TTLL9: variants seen among roughly 807,000 people sequenced by gnomAD.
The protein encoded by TTLL9 is tubulin tyrosine ligase like 9, also known as probable tubulin polyglutamylase TTLL9.
Under a neutral mutation model 65.6 loss-of-function variants are expected in TTLL9, and 47 were observed. The ratio of observed to expected loss-of-function variants is 0.72; its 90% confidence interval spans 0.57 to 0.91. TTLL9 has a LOEUF of 0.91. TTLL9 is among the 40% of genes least tolerant of loss of function. The pLI, the probability that TTLL9 is intolerant of heterozygous loss-of-function variation, is 0.00. For missense variants in TTLL9, 537 were observed against 568.8 expected (o/e 0.94, Z 0.57); for synonymous variants, 179 against 204.8 (o/e 0.87, Z 1.07).
intron 3 of TTLL9, among the ~76,000 whole-genome samples, chr20:31,894,167 GAT>G: frequency 7.0e-6 from 1 of 142,890 alleles, no homozygotes; most frequent in Admixed American, 7.3e-5. Context: ...GCAGTGGTGC[GAT>G]CATGGCTCAC....
At chr20:31,879,715 C>G in intron 2 of TTLL9, 1 of 1,185,832 alleles carries the variant, frequency 8.4e-7, no homozygotes. Flanking sequence ...CCAATAGCCT[C>G]CAGAGGTTCT....
chr20:31,911,383 C>T (rs1037144310), intron 6 of TTLL9, among the ~76,000 whole-genome samples: 3 of 152,150 alleles, frequency 2.0e-5, no homozygotes, highest in Non-Finnish European at 4.4e-5. Flanking sequence ...GTGGAGGGAG[C>T]AGCCCTTTCC....
In TTLL9 at chr20:31,879,859, A is replaced by G. The variant is rs747381916; in HGVS notation, c.70-7337A>G. 4.5e-6 allele frequency: 7 copies of G among 1,550,178 alleles called. No homozygotes were observed. In the South Asian group the frequency reaches 5.9e-5, roughly 13 times the overall value. Reference sequence around the variant, plus strand: ...CGCGAGGCGCGCGGTGGCGGTTTGGATCTGGCCCCTGGGGAATCGCGTTAT... The same window carrying G: ...CGCGAGGCGCGCGGTGGCGGTTTGGGTCTGGCCCCTGGGGAATCGCGTTAT... On this transcript the variant is annotated intron_variant, in intron 2 of 14. Coordinates refer to ENST00000535842, the MANE Select transcript of TTLL9 (RefSeq NM_001008409.5).
intron 12 of TTLL9, 80 bp downstream of exon 12, chr20:31,934,968 C>T: frequency 1.5e-6 from 2 of 1,321,268 alleles, no homozygotes; most frequent in Non-Finnish European, 2.1e-6. Context: ...AATCCCAGCT[C>T]TGCCAATTCC....
intron 8 of TTLL9, 45 bp downstream of exon 8, chr20:31,923,098 C>T (rs1274118292): frequency 6.8e-7 from 1 of 1,461,524 alleles, no homozygotes; most frequent in Non-Finnish European, 9.6e-7. Context: ...GCATGGTCAT[C>T]AAACAGTCAG....
At chr20:31,872,649 C>A (rs2062954722) in intron 2 of TTLL9, among the ~76,000 whole-genome samples, 1 of 152,120 alleles carries the variant, frequency 6.6e-6, no homozygotes, top group South Asian at 2.1e-4. Context: ...CATGAGCGCA[C>A]CACTGCACTC....
At chr20:31,922,032 G>A (rs2063823216) in intron 7 of TTLL9, among the ~76,000 whole-genome samples, 1 of 152,106 alleles carries the variant, frequency 6.6e-6, no homozygotes, top group African/African-American at 2.4e-5. Context: ...ACTTTGGGAG[G>A]CTGAGGTGGG....
At chr20:31,899,010 C>T (rs150737297) in intron 4 of TTLL9, among the ~76,000 whole-genome samples, 19 of 152,338 alleles carry the variant, frequency 1.2e-4, no homozygotes, top group African/African-American at 4.6e-4. Context: ...TTCTTTCATG[C>T]TGGCCTCTGG....
chr20:31,886,419 G>A, intron 2 of TTLL9, among the ~76,000 whole-genome samples: 1 of 152,212 alleles, frequency 6.6e-6, no homozygotes, highest in East Asian at 1.9e-4. Context: ...ACCCACTGAG[G>A]ATTTGAAAGG....
At chr20:31,880,124 A>C (rs1435860278) in intron 2 of TTLL9, among the ~76,000 whole-genome samples, 1 of 152,148 alleles carries the variant, frequency 6.6e-6, no homozygotes, top group Non-Finnish European at 1.5e-5. Context: ...CGCGCCGCCC[A>C]AGCTGCTGCG....
At chr20:31,921,379 T>C (rs1244515629) in intron 7 of TTLL9, among the ~76,000 whole-genome samples, 1 of 152,264 alleles carries the variant, frequency 6.6e-6, no homozygotes, top group East Asian at 1.9e-4. Flanking sequence ...TTGGTGGGAC[T>C]GTAAACTAGT....
intron 4 of TTLL9, among the ~76,000 whole-genome samples, chr20:31,900,211 C>G (rs184920660): frequency 1.4e-4 from 21 of 152,296 alleles, no homozygotes; most frequent in Non-Finnish European, 2.8e-4. Flanking sequence ...TGCTGCTTAC[C>G]ATTAGCTAAG....
chr20:31,932,842 C>T (rs1304664563), intron 10 of TTLL9, among the ~76,000 whole-genome samples: 2 of 152,136 alleles, frequency 1.3e-5, no homozygotes, highest in African/African-American at 2.4e-5. Flanking sequence ...ACTAAAAATA[C>T]AAAAATCAGC....
intron 2 of TTLL9, among the ~76,000 whole-genome samples, chr20:31,878,377 A>G (rs2063066187): frequency 6.6e-6 from 1 of 152,268 alleles, no homozygotes; most frequent in African/African-American, 2.4e-5. Flanking sequence ...CAGGTACTCT[A>G]GTCCTAGCAG....
rs74883479 is a variant in TTLL9 at position 31,885,136 on chromosome 20, T to C, written c.70-2060T>C. Among the ~76,000 whole-genome samples the C allele has an allele frequency of 2.3e-4, 35 of 152,322 alleles. No individual in the cohort carries two copies. The East Asian group carries it at 6.7e-3, about 29-fold the overall frequency. ...TTTATAATGTCACTTCCTGAAAATA[T>C]CTGTAGATTCAATGCAATCCCAGTC... On this transcript the variant is annotated intron_variant, in intron 2 of 14. Coordinates refer to ENST00000535842, the MANE Select transcript of TTLL9 (RefSeq NM_001008409.5).
Position 31,943,061 on chromosome 20 carries a change from A to T in TTLL9, c.*40A>T, listed in dbSNP as rs1260501394. The T allele has an allele frequency of 6.3e-7, 1 of 1,585,818 alleles. No individual in the cohort carries two copies. Among genetic ancestry groups the T allele is most frequent in the Non-Finnish European group, 8.7e-7 (1 of 1,156,052 alleles). On this transcript the variant is annotated 3_prime_UTR_variant, in exon 15 of 15. Coordinates refer to ENST00000535842, the MANE Select transcript of TTLL9 (RefSeq NM_001008409.5). Reference sequence around the variant, plus strand: ...GAGGAAATCAGCCTTAGCAGGTGCCACCCAGGCCTCCCCCCCACTCCCAGA... The same window carrying T: ...GAGGAAATCAGCCTTAGCAGGTGCCTCCCAGGCCTCCCCCCCACTCCCAGA...
At chr20:31,909,612 C>A in intron 5 of TTLL9, 125 bp from the exon 6 acceptor site, 1 of 790,054 alleles carries the variant, frequency 1.3e-6, no homozygotes, top group South Asian at 1.7e-5. Context: ...CAAAGTTACT[C>A]TTACTGTTGC....
intron 2 of TTLL9, 77 bp downstream of exon 2, chr20:31,871,272 G>A (rs2062927012): frequency 6.6e-7 from 1 of 1,509,580 alleles, no homozygotes; most frequent in East Asian, 2.3e-5. Context: ...ATAGCTAGAG[G>A]TCAGGGTCCT....
chr20:31,897,945 G>A (rs1253504493), intron 3 of TTLL9, among the ~76,000 whole-genome samples: 3 of 152,158 alleles, frequency 2.0e-5, no homozygotes, highest in Admixed American at 1.3e-4. Flanking sequence ...GCATTTCTGG[G>A]TTGGTGGCTT....
Sources: allele counts gnomAD v4.1 joint callset (sites outside exome capture counted in the v4.1 genomes callset), GRCh38; gene constraint gnomAD v4.1.1; transcripts MANE v1.5; gene names NCBI Gene and HGNC (gene_info 2026-07-23, HGNC 2026-07-21).